Variants in EPHA3 observed in about 807,000 individuals in gnomAD.
The protein encoded by EPHA3 is EPH receptor A3, also known as ephrin type-A receptor 3.
A neutral mutation model predicts 107.1 loss-of-function variants in EPHA3; 42 were observed. That is an observed-to-expected ratio of 0.39 (90% CI 0.31 to 0.51). The LOEUF is 0.51. Among genes scored for constraint, EPHA3 ranks in the 20% least tolerant of loss-of-function variants. The pLI is 0.78. For synonymous variants in EPHA3, 461 were observed against 424.8 expected (o/e 1.09, Z -1.05); for missense variants, 1,183 against 1,211.2 (o/e 0.98, Z 0.35).
chr3:89,212,475 T>C (rs73849206), intron 3 of EPHA3, among the ~76,000 whole-genome samples: 6,322 of 152,140 alleles, frequency 0.042, 421 homozygotes, highest in African/African-American at 0.14. Context: ...TTTTACTTGA[T>C]TTTTTCATTT....
At chr3:89,341,555 C>T (rs1322709479) in intron 4 of EPHA3, among the ~76,000 whole-genome samples, 200 bp from the exon 5 acceptor site, 1 of 152,130 alleles carries the variant, frequency 6.6e-6, no homozygotes, top group Non-Finnish European at 1.5e-5. Context: ...AGTTAAAACT[C>T]CGCCATTCAC....
At chr3:89,187,028 TAA>T (rs748437242) in intron 2 of EPHA3, among the ~76,000 whole-genome samples, 8 of 151,958 alleles carry the variant, frequency 5.3e-5, no homozygotes, top group Non-Finnish European at 8.8e-5. Context: ...ATTTTAATTA[TAA>T]AAGTGTATTG....
intron 5 of EPHA3, among the ~76,000 whole-genome samples, chr3:89,355,297 G>T (rs1707921306): frequency 6.6e-6 from 1 of 151,124 alleles, no homozygotes; most frequent in South Asian, 2.1e-4. Context: ...ATCTTTCTGT[G>T]AAATGTAACA....
At chr3:89,337,408 T>C (rs1360792847) in intron 3 of EPHA3, among the ~76,000 whole-genome samples, 1 of 152,196 alleles carries the variant, frequency 6.6e-6, no homozygotes, top group Non-Finnish European at 1.5e-5. Context: ...GTCTATAAAA[T>C]ACACAGACTG....
At chr3:89,181,328 CAT>C (rs1705437932) in intron 2 of EPHA3, among the ~76,000 whole-genome samples, 2 of 151,862 alleles carry the variant, frequency 1.3e-5, no homozygotes, top group South Asian at 4.2e-4. Context: ...TGAATACTAC[CAT>C]AGAGTTTAAT....
At chr3:89,244,857 G>A (rs1036622462) in intron 3 of EPHA3, among the ~76,000 whole-genome samples, 6 of 152,102 alleles carry the variant, frequency 3.9e-5, no homozygotes, top group African/African-American at 1.2e-4. Flanking sequence ...CATTGGTTTC[G>A]GAAATGAAGT....
At chr3:89,195,319 A>G (rs529361685) in intron 2 of EPHA3, among the ~76,000 whole-genome samples, 1 of 152,196 alleles carries the variant, frequency 6.6e-6, no homozygotes, top group East Asian at 1.9e-4. Context: ...AAGCTGTGCA[A>G]CTGAAGAGTT....
intron 2 of EPHA3, among the ~76,000 whole-genome samples, chr3:89,168,976 A>G (rs1446156506): frequency 6.6e-6 from 1 of 151,948 alleles, no homozygotes; most frequent in Non-Finnish European, 1.5e-5. Flanking sequence ...TTAATTAAGC[A>G]AATACTCAGA....
intron 1 of EPHA3, among the ~76,000 whole-genome samples, chr3:89,108,599 C>T (rs1190228799): frequency 2.0e-5 from 3 of 152,140 alleles, no homozygotes; most frequent in Non-Finnish European, 4.4e-5. Flanking sequence ...TGTTCATATG[C>T]AGCAAATGGC....
intron 5 of EPHA3, among the ~76,000 whole-genome samples, chr3:89,383,457 C>CT (rs1299675772): frequency 1.3e-5 from 2 of 151,814 alleles, no homozygotes; most frequent in Non-Finnish European, 2.9e-5. Flanking sequence ...TGACCAAAAC[C>CT]TTTTTTGAGA....
intron 2 of EPHA3, among the ~76,000 whole-genome samples, chr3:89,139,904 C>T (rs1362693916): frequency 6.6e-6 from 1 of 151,794 alleles, no homozygotes; most frequent in Non-Finnish European, 1.5e-5. Context: ...ACTACTTCAA[C>T]CGAGTGTCAT....
At chr3:89,294,159 CT>C (rs1346173619) in intron 3 of EPHA3, among the ~76,000 whole-genome samples, 4 of 152,042 alleles carry the variant, frequency 2.6e-5, no homozygotes, top group African/African-American at 9.7e-5. Context: ...ATGTTTTCTT[CT>C]ACAAATTTTA....
intron 2 of EPHA3, among the ~76,000 whole-genome samples, chr3:89,188,020 T>C (rs1160891852): frequency 1.3e-5 from 2 of 152,180 alleles, no homozygotes; most frequent in African/African-American, 4.8e-5. Flanking sequence ...TTCAGGATTT[T>C]AATGGGCAAT....
chr3:89,167,816 C>A (rs1286444977), intron 2 of EPHA3, among the ~76,000 whole-genome samples: 1 of 152,226 alleles, frequency 6.6e-6, no homozygotes, highest in Admixed American at 6.5e-5. Context: ...CATTACTATA[C>A]TTTGACTCCT....
At chr3:89,136,637 G>A (rs1257048389) in intron 2 of EPHA3, among the ~76,000 whole-genome samples, 2 of 151,520 alleles carry the variant, frequency 1.3e-5, no homozygotes, top group Admixed American at 6.6e-5. Context: ...TTACTTTGAT[G>A]TAAGCTTAGT....
At chr3:89,187,211 A>C (rs1212423178) in intron 2 of EPHA3, among the ~76,000 whole-genome samples, 1 of 150,760 alleles carries the variant, frequency 6.6e-6, no homozygotes, top group East Asian at 1.9e-4. Context: ...TGTGTTTTTG[A>C]AAAGCAAACA....
rs1706017291 is a variant in EPHA3 at position 89,203,325 on chromosome 3, A to T, written c.154-6535A>T. Among the ~76,000 whole-genome samples the T allele has an allele frequency of 5.7e-5, 3 of 52,626 alleles. No homozygotes were observed. The South Asian group carries it at 2.9e-3, about 50-fold the overall frequency. The allele number at this position is 52,626 out of a possible 152,430, so 34.5% of individuals were successfully genotyped here. On this transcript the variant is annotated intron_variant, in intron 2 of 16. Transcript: ENST00000336596. ...CCTGGTTCCCTGCTTAGCCGGAATT[A>T]AAAAAAAAACAAAACAAAACAAAAC...
intron 1 of EPHA3, among the ~76,000 whole-genome samples, chr3:89,110,119 G>A (rs1707068817): frequency 6.6e-6 from 1 of 151,748 alleles, no homozygotes; most frequent in Admixed American, 6.6e-5. Context: ...ATTTAAAAAT[G>A]GTATTAATGT....
In EPHA3 at chr3:89,210,044, T is replaced by C. The variant is rs537025827; in HGVS notation, c.338T>C (p.Leu113Ser). ...LRDCNSIPLV[L>S]GTCKETFNLY... ...GACTGCAATAGCATTCCATTGGTTT[T>C]AGGAACTTGCAAGGAGACATTCAAC... The change falls in exon 3 of 17, where the codon TTA (leucine) becomes TCA (serine). Residue 113 changes from leucine to serine, a missense_variant. Physicochemically the swap from Leu to Ser is moderately radical, Grantham distance 145. Coordinates refer to ENST00000336596, the MANE Select transcript of EPHA3 (RefSeq NM_005233.6). 45 of 1,614,054 alleles carry C rather than the reference T, an allele frequency of 2.8e-5. No individual in the cohort carries two copies. The Admixed American group carries it at 4.0e-4, about 14-fold the overall frequency.
Sources: allele counts gnomAD v4.1 joint callset (sites outside exome capture counted in the v4.1 genomes callset), GRCh38; gene constraint gnomAD v4.1.1; transcripts MANE v1.5; gene names NCBI Gene and HGNC (gene_info 2026-07-23, HGNC 2026-07-21).